LDLRAD3: variants seen among roughly 807,000 people sequenced by gnomAD.
LDLRAD3 encodes the protein low-density lipoprotein receptor class A domain-containing protein 3.
In LDLRAD3, 20 loss-of-function variants were observed where a neutral mutation model predicts 29.4. That is an observed-to-expected ratio of 0.68 (90% CI 0.48 to 0.99). The LOEUF is 0.99. Ranked by LOEUF, LDLRAD3 falls within the 50% of genes least tolerant of loss-of-function variation. The probability of loss-of-function intolerance (pLI) is 0.00; values close to 1 mark genes in which losing one functional copy is unlikely to be tolerated. For synonymous variants in LDLRAD3, 157 were observed against 192.7 expected, an observed-to-expected ratio of 0.81 and a Z score of 1.53; for missense variants, 420 against 454.3, an observed-to-expected ratio of 0.92 and a Z score of 0.69.
intron 3 of LDLRAD3, among the ~76,000 whole-genome samples, chr11:36,091,548 G>A (rs1293452015): frequency 1.3e-5 from 2 of 152,120 alleles, no homozygotes; most frequent in Non-Finnish European, 2.9e-5. Context: ...TGTGGCTTGG[G>A]AAATAGAGCT....
intron 1 of LDLRAD3, among the ~76,000 whole-genome samples, chr11:35,963,103 G>A (rs1202886165): frequency 1.3e-5 from 2 of 152,170 alleles, no homozygotes; most frequent in Non-Finnish European, 2.9e-5. Context: ...GGATTTAAAT[G>A]CCATTTTATT....
chr11:35,989,361 T>C (rs1247182600), intron 1 of LDLRAD3, among the ~76,000 whole-genome samples: 1 of 152,224 alleles, frequency 6.6e-6, no homozygotes, highest in Non-Finnish European at 1.5e-5. Flanking sequence ...TTGGGCTCTT[T>C]TTTGGTTCCA....
chr11:35,999,182 A>G (rs1032409367), intron 1 of LDLRAD3, among the ~76,000 whole-genome samples: 3 of 152,178 alleles, frequency 2.0e-5, no homozygotes, highest in Non-Finnish European at 4.4e-5. Flanking sequence ...GTGTGTGTTC[A>G]TGGGGCCTTT....
rs903642575 is a variant in LDLRAD3 at position 36,116,815 on chromosome 11, G to T, written c.454+18354G>T. Among the ~76,000 whole-genome samples the T allele has an allele frequency of 2.0e-5, 3 of 151,338 alleles. No homozygotes were observed. The South Asian group carries it at 6.3e-4, about 32-fold the overall frequency. On this transcript the variant is annotated intron_variant, in intron 4 of 5. Coordinates refer to ENST00000315571, the MANE Select transcript of LDLRAD3 (RefSeq NM_174902.4). ...CAGGACAAAGACTTGCCTTGTCATT[G>T]CCTGAGTAACCTTTCTTTTTCTTTT...
intron 2 of LDLRAD3, among the ~76,000 whole-genome samples, chr11:36,062,092 A>T (rs145665520): frequency 7.9e-5 from 12 of 152,266 alleles, no homozygotes; most frequent in African/African-American, 2.6e-4. Flanking sequence ...CATTTTACAG[A>T]TGAGAGAGGA....
chr11:35,945,586 C>CTCTAA (rs1851046606), intron 1 of LDLRAD3, among the ~76,000 whole-genome samples: 1 of 152,164 alleles, frequency 6.6e-6, no homozygotes, highest in South Asian at 2.1e-4. Context: ...TGTTTGGAGG[C>CTCTAA]TGTTAGAGCA....
chr11:36,080,269 C>A (rs1448842425), intron 2 of LDLRAD3, among the ~76,000 whole-genome samples: 2 of 152,180 alleles, frequency 1.3e-5, no homozygotes, highest in Non-Finnish European at 2.9e-5. Flanking sequence ...TAATCGCAAG[C>A]CGGAGCACCA....
At chr11:36,064,022 A>T (rs1330678597) in intron 2 of LDLRAD3, among the ~76,000 whole-genome samples, 1 of 152,158 alleles carries the variant, frequency 6.6e-6, no homozygotes, top group Non-Finnish European at 1.5e-5. Context: ...ATCTTACCCA[A>T]TTTTAAGTCT....
At chr11:36,148,452 G>T (rs989747724) in intron 4 of LDLRAD3, among the ~76,000 whole-genome samples, 1 of 152,122 alleles carries the variant, frequency 6.6e-6, no homozygotes, top group East Asian at 1.9e-4. Flanking sequence ...ATTCCCTAAC[G>T]AGGACTTTGC....
At chr11:36,163,201 G>A (rs150131796) in intron 4 of LDLRAD3, 1 of 152,276 alleles carries the variant, frequency 6.6e-6, no homozygotes, top group African/African-American at 2.4e-5. Flanking sequence ...TCCAACACAG[G>A]CAGTTGCCTG....
chr11:36,057,851 G>A (rs1005118861), intron 2 of LDLRAD3, among the ~76,000 whole-genome samples: 5 of 152,056 alleles, frequency 3.3e-5, no homozygotes, highest in Admixed American at 6.5e-5. Flanking sequence ...CTTGCTTAAC[G>A]TGGACTCTGG....
At chr11:36,141,936 T>C (rs1251384800) in intron 4 of LDLRAD3, among the ~76,000 whole-genome samples, 1 of 152,248 alleles carries the variant, frequency 6.6e-6, no homozygotes, top group Non-Finnish European at 1.5e-5. Flanking sequence ...ATCTGCTCTG[T>C]GAAATTGCAG....
intron 4 of LDLRAD3, among the ~76,000 whole-genome samples, chr11:36,128,921 A>G (rs1853884788): frequency 6.6e-6 from 1 of 151,698 alleles, no homozygotes; most frequent in Non-Finnish European, 1.5e-5. Flanking sequence ...GCAGAGGCCA[A>G]GGTTAGTAGA....
intron 4 of LDLRAD3, among the ~76,000 whole-genome samples, chr11:36,143,011 A>C (rs1854109270): frequency 6.6e-6 from 1 of 152,256 alleles, no homozygotes; most frequent in Admixed American, 6.5e-5. Flanking sequence ...AATATACATA[A>C]CAAACATTGA....
intron 4 of LDLRAD3, among the ~76,000 whole-genome samples, chr11:36,150,392 G>A (rs1854260890): frequency 6.6e-6 from 1 of 152,062 alleles, no homozygotes; most frequent in South Asian, 2.1e-4. Flanking sequence ...GCCAGGCGTG[G>A]TACCACACGC....
At chr11:36,101,866 G>A (rs117500669) in intron 4 of LDLRAD3, 8,313 of 342,984 alleles carry the variant, frequency 0.024, 280 homozygotes, top group East Asian at 0.19. Context: ...ATGCCACATA[G>A]GATTTGACCC....
rs541155009 is a variant in LDLRAD3, at chr11:35,944,173, CCGCGGGGCGCGGGGCGCGGGG to C, written c.46+40_46+60del. On this transcript the variant is annotated intron_variant, in intron 1 of 5. Coordinates refer to ENST00000315571, the MANE Select transcript of LDLRAD3 (RefSeq NM_174902.4). This position sits in a 1 kb window ranked among gnomAD's most constrained non-coding sequence, Gnocchi z 4.9. Reference sequence around the variant, plus strand: ...AGTCGGGGGGCGGCCGGCGAACTTCCCGCGGGGCGCGGGGCGCGGGGCGCGGGGCGCAGCGGCCGGGTGCGA... The same window carrying C: ...AGTCGGGGGGCGGCCGGCGAACTTCCCGCGGGGCGCAGCGGCCGGGTGCGA... The C allele has an allele frequency of 6.1e-6, 6 of 990,836 alleles. No homozygotes were observed. Among genetic ancestry groups the C allele is most frequent in the Admixed American group, 6.0e-5 (1 of 16,584 alleles). 61.4% of individuals were successfully genotyped at this position (990,836 alleles called of 1,614,324 possible).
At chr11:36,081,568 T>C (rs1481597899) in intron 2 of LDLRAD3, 85 bp from the exon 3 acceptor site, 8 of 1,553,140 alleles carry the variant, frequency 5.2e-6, no homozygotes, top group Non-Finnish European at 7.1e-6. Context: ...AGTGGACTCA[T>C]TTTCACATTC....
chr11:35,956,969 T>C (rs961235687), intron 1 of LDLRAD3, among the ~76,000 whole-genome samples: 1 of 152,226 alleles, frequency 6.6e-6, no homozygotes, highest in Non-Finnish European at 1.5e-5. Flanking sequence ...TCTCCTGACC[T>C]CGTGATCCGC....
Sources: gnomAD v4.1 joint callset for allele counts (sites outside exome capture counted in the v4.1 genomes callset) on GRCh38, gnomAD v4.1.1 for gene constraint, Gnocchi (gnomAD v3.1) non-coding constraint, MANE v1.5 for transcripts, NCBI Gene and HGNC (gene_info 2026-07-23, HGNC 2026-07-21) for gene names.